PLCH2: variants seen among roughly 807,000 people sequenced by gnomAD.
PLCH2 encodes the protein 1-phosphatidylinositol 4,5-bisphosphate phosphodiesterase eta-2.
PLCH2 carries 98 observed loss-of-function variants against 134.7 expected under a neutral mutation model. The observed-to-expected ratio is 0.73, with a 90% confidence interval of 0.62 to 0.86. The LOEUF is 0.86. Ranked by LOEUF, PLCH2 falls within the 40% of genes least tolerant of loss-of-function variation. The probability of loss-of-function intolerance (pLI) is 0.00; values close to 1 mark genes in which losing one functional copy is unlikely to be tolerated. For missense variants in PLCH2, 1,994 were observed against 1,986.6 expected (o/e 1.00, Z -0.07); for synonymous variants, 974 against 827.5 (o/e 1.18, Z -3.04).
intron 9 of PLCH2, 49 bp from the exon 10 acceptor site, chr1:2,489,711 T>A (rs750488361): frequency 1.4e-6 from 2 of 1,445,538 alleles, no homozygotes; most frequent in South Asian, 2.3e-5. Flanking sequence ...GGTACTGGCT[T>A]CCCAGCATTT....
upstream of PLCH2, among the ~76,000 whole-genome samples, chr1:2,475,716 G>A (rs906561845): frequency 2.0e-5 from 3 of 152,210 alleles, no homozygotes; most frequent in Non-Finnish European, 4.4e-5. Context: ...CTCGGTGACC[G>A]TGGAGAAAGG....
chr1:2,442,934 CG>C (rs973321579), intron 2 of PLCH2, among the ~76,000 whole-genome samples: 7 of 152,202 alleles, frequency 4.6e-5, no homozygotes, highest in Non-Finnish European at 1.0e-4. Flanking sequence ...TGCAGCAGAG[CG>C]GGGAACCGAC....
intron 1 of PLCH2, among the ~76,000 whole-genome samples, chr1:2,427,811 C>CT (rs1379214650): frequency 2.0e-5 from 3 of 151,990 alleles, no homozygotes; most frequent in South Asian, 2.1e-4. Flanking sequence ...GGGAGCCCTC[C>CT]GGGGGTGGGA....
intron 2 of PLCH2, among the ~76,000 whole-genome samples, chr1:2,431,144 G>T (rs1310752336): frequency 6.6e-6 from 1 of 152,152 alleles, no homozygotes. Context: ...GCGTGTGCGT[G>T]TGCGTGTGTG....
chr1:2,451,445 T>A (rs1420182508), intron 2 of PLCH2, among the ~76,000 whole-genome samples: 1 of 152,134 alleles, frequency 6.6e-6, no homozygotes, highest in Non-Finnish European at 1.5e-5. Context: ...TCTGGACTGA[T>A]CAGTGCTGCC....
intron 2 of PLCH2, among the ~76,000 whole-genome samples, chr1:2,452,606 C>T (rs552345336): frequency 2.6e-5 from 4 of 152,344 alleles, no homozygotes; most frequent in African/African-American, 7.2e-5. Context: ...GTTCACTCCA[C>T]CCCAAGCTGC....
In PLCH2 at chr1:2,497,582, G is replaced by C; in HGVS notation, c.2197G>C (p.Val733Leu). 3.8e-6 allele frequency: 6 copies of C among 1,562,106 alleles called. No homozygotes were observed. Among genetic ancestry groups the C allele is most frequent in the Non-Finnish European group, 5.2e-6 (6 of 1,153,722 alleles). ...KFSANGGCGY[V>L]LKPGCMCQGV... is the part of the protein sequence containing the mutation. Reference sequence around the variant, plus strand: ...CAGCGCCAACGGTGGCTGCGGCTACGTACTCAAGCCTGGGTGCATGTGCCA... The same window carrying C: ...CAGCGCCAACGGTGGCTGCGGCTACCTACTCAAGCCTGGGTGCATGTGCCA... The change falls in exon 16 of 22, where the codon GTA becomes CTA. Residue 733 changes from valine (V) to leucine (L), a missense_variant. By Grantham distance (32) the Val-to-Leu change is conservative (BLOSUM62 1). Around this residue, in one of 2 missense-constraint regions of PLCH2, gnomAD observed 1,094 missense variants for 1,234.3 expected, o/e 0.89. Transcript: ENST00000378486.
chr1:2,456,720 G>A (rs1482884476), intron 2 of PLCH2, among the ~76,000 whole-genome samples: 2 of 152,188 alleles, frequency 1.3e-5, no homozygotes, highest in Non-Finnish European at 2.9e-5. Context: ...AAGCCAGGGA[G>A]CTGGGCCTTC....
Position 2,503,910 on chromosome 1 carries a change from A to ACACCCCCCCCCCCC in PLCH2, c.2960-11_2960-10insACCCCCCCCCCCCC. On this transcript the variant is annotated splice_polypyrimidine_tract_variant and intron_variant, in intron 21 of 21. Transcript: ENST00000378486. ...CCCTCTGGCTCTCTCTCACTCCCCC[A>ACACCCCCCCCCCCC]CCTCCCCACAGACACCCGCCCCCTC... 1 of 266,700 alleles carries ACACCCCCCCCCCCC rather than the reference A, an allele frequency of 3.7e-6. No homozygotes were observed. Among genetic ancestry groups the ACACCCCCCCCCCCC allele is most frequent in the South Asian group, 4.3e-5 (1 of 23,144 alleles). 16.5% of individuals were successfully genotyped at this position (266,700 alleles called of 1,614,324 possible).
At chr1:2,437,071 C>T (rs192386560) in intron 2 of PLCH2, among the ~76,000 whole-genome samples, 13 of 152,358 alleles carry the variant, frequency 8.5e-5, no homozygotes, top group East Asian at 1.9e-4. Flanking sequence ...CCAGGCCTCT[C>T]GCCTTCTGTG....
At position 2,504,511 on chromosome 1, in the gene PLCH2, G is replaced by A. The variant is rs1643426865; in HGVS notation, c.3549G>A (p.Arg1183=). The A allele has an allele frequency of 1.2e-6, 2 of 1,612,408 alleles. No homozygotes were observed. Among genetic ancestry groups the A allele is most frequent in the Non-Finnish European group, 1.7e-6 (2 of 1,179,668 alleles). ...AGAHMGRLPP[R]PHSASAARPD... ...CCCACATGGGACGCCTGCCCCCCAGGCCCCACTCGGCTTCGGCTGCCCGCC... is the reference window on the plus strand; with the variant it reads ...CCCACATGGGACGCCTGCCCCCCAGACCCCACTCGGCTTCGGCTGCCCGCC... Residue 1183 remains arginine, a synonymous_variant, in exon 22 of 22, where the codon AGG becomes AGA. Transcript: ENST00000378486.
At chr1:2,442,818 G>C (rs1010529983) in intron 2 of PLCH2, among the ~76,000 whole-genome samples, 1 of 152,174 alleles carries the variant, frequency 6.6e-6, no homozygotes, top group African/African-American at 2.4e-5. Context: ...CTGCCTCTTG[G>C]CTCTGTGGCC....
upstream of PLCH2, among the ~76,000 whole-genome samples, chr1:2,474,193 C>T (rs1040468427): frequency 6.6e-6 from 1 of 152,142 alleles, no homozygotes; most frequent in African/African-American, 2.4e-5. Context: ...GGGCTGGGCC[C>T]TGGGCCGGCT....
At chr1:2,459,634 CT>C (rs1406293780) in intron 2 of PLCH2, among the ~76,000 whole-genome samples, 1 of 30,732 alleles carries the variant, frequency 3.3e-5, no homozygotes, top group Non-Finnish European at 7.8e-5. Context: ...TCCTCCTTGC[CT>C]GTGGTCTTCC....
At chr1:2,467,148 G>T (rs906514170), upstream of PLCH2, among the ~76,000 whole-genome samples, 30 of 151,936 alleles carry the variant, frequency 2.0e-4, no homozygotes, top group African/African-American at 7.0e-4. Context: ...GGTCCTGGGG[G>T]TGCAGCCACC....
Position 2,448,853 on chromosome 1 carries a change from G to A in PLCH2, c.115+18224G>A, listed in dbSNP as rs71630977. 0.11 allele frequency among the ~76,000 whole-genome samples: 16,554 copies of A among 152,204 alleles called. 984 individuals are homozygous for A. Among genetic ancestry groups the A allele is most frequent in the Middle Eastern group, 0.14 (41 of 294 alleles). On this transcript the variant is annotated intron_variant, in intron 2 of 3. Coordinates refer to the PLCH2 transcript ENST00000609981. This position sits in a 1 kb window ranked among gnomAD's most constrained non-coding sequence, Gnocchi z 4.0. ...GGGCCTCACTCCATTCTTAGGGAGC[G>A]GCTGCTCCTGGTTCCCAACCACAAG...
intron 20 of PLCH2, 67 bp from the exon 21 acceptor site, chr1:2,502,045 C>T: frequency 1.5e-6 from 2 of 1,357,072 alleles, no homozygotes; most frequent in Non-Finnish European, 1.9e-6. Flanking sequence ...GAGAGCTGGC[C>T]CTGGGGGAGC....
chr1:2,500,928 C>T (rs757268063), intron 20 of PLCH2: 2 of 149,412 alleles, frequency 1.3e-5, no homozygotes, highest in Non-Finnish European at 3.0e-5. Context: ...CCTCCTATCC[C>T]CCTCCTTCTC....
At chr1:2,467,866 C>G (rs982848554) in intron 1 of PLCH2, among the ~76,000 whole-genome samples, 42 of 152,282 alleles carry the variant, frequency 2.8e-4, no homozygotes, top group African/African-American at 9.1e-4. Flanking sequence ...ATCCCTCAGA[C>G]TCGGTCCCAG....
Sources: allele counts gnomAD v4.1 joint callset (sites outside exome capture counted in the v4.1 genomes callset), GRCh38; gene constraint gnomAD v4.1.1; regional missense constraint gnomAD v4.1.1; non-coding constraint Gnocchi (gnomAD v3.1); transcripts MANE v1.5; gene names NCBI Gene and HGNC (gene_info 2026-07-23, HGNC 2026-07-21).